The following DGKG variants were observed in gnomAD, a reference collection of about 807,000 sequenced individuals.
The protein encoded by DGKG is diacylglycerol kinase gamma.
In DGKG, 78 loss-of-function variants were observed where a neutral mutation model predicts 105.3. The observed-to-expected ratio is 0.74, with a 90% CI of 0.62 to 0.89. The LOEUF (loss-of-function observed/expected upper bound fraction) is 0.89, where lower values mean the gene tolerates loss of function less well. Among genes scored for constraint, DGKG ranks in the 40% least tolerant of loss-of-function variants. DGKG has a pLI of 0.00. For missense variants in DGKG, 958 were observed against 1,020.1 expected, an observed-to-expected ratio of 0.94 and a Z score of 0.83; for synonymous variants, 346 against 367.1, an observed-to-expected ratio of 0.94 and a Z score of 0.66.
At chr3:186,307,105 G>A (rs1013235103) in intron 2 of DGKG, 128 bp from the exon 3 acceptor site, 5 of 672,422 alleles carry the variant, frequency 7.4e-6, no homozygotes, top group African/African-American at 5.4e-5. Flanking sequence ...CTGGAGAAAT[G>A]TCACCCTCTT....
chr3:186,314,236 T>C (rs1431983473), intron 2 of DGKG, among the ~76,000 whole-genome samples: 1 of 150,616 alleles, frequency 6.6e-6, no homozygotes, highest in African/African-American at 2.4e-5. Flanking sequence ...TTAATGTATG[T>C]TTGAAGGTTG....
intron 24 of DGKG, among the ~76,000 whole-genome samples, chr3:186,156,427 G>C (rs567285933): frequency 1.3e-5 from 2 of 152,134 alleles, no homozygotes; most frequent in East Asian, 3.9e-4. Flanking sequence ...ATGTATACTA[G>C]GGTTTCTCAA....
At chr3:186,219,994 T>C (rs953599512) in intron 20 of DGKG, among the ~76,000 whole-genome samples, 2 of 152,244 alleles carry the variant, frequency 1.3e-5, no homozygotes, top group Non-Finnish European at 2.9e-5. Context: ...CAGGAGCTGC[T>C]GTCAATATGT....
chr3:186,228,067 C>A (rs1719938540), intron 20 of DGKG, among the ~76,000 whole-genome samples: 1 of 152,186 alleles, frequency 6.6e-6, no homozygotes, highest in Admixed American at 6.5e-5. Context: ...ACCTAAGTTG[C>A]CCTCTCCCTG....
intron 1 of DGKG, among the ~76,000 whole-genome samples, chr3:186,353,847 G>A (rs968020892): frequency 6.6e-6 from 1 of 152,222 alleles, no homozygotes; most frequent in Middle Eastern, 3.4e-3. Flanking sequence ...ATCCTCAGGA[G>A]AGCATTGCTA....
intron 1 of DGKG, among the ~76,000 whole-genome samples, chr3:186,354,518 A>G (rs957473368): frequency 6.6e-6 from 1 of 152,202 alleles, no homozygotes; most frequent in Non-Finnish European, 1.5e-5. Context: ...TGGGCAGGCA[A>G]GTCTGGGTTT....
chr3:186,260,466 T>G lies in DGKG; in HGVS notation c.1397A>C (p.Asn466Thr). 1.2e-6 allele frequency: 2 copies of G among 1,613,580 alleles called. No individual in the cohort carries two copies. The highest frequency in any genetic ancestry group is 8.5e-7 in the Non-Finnish European group (1 of 1,179,632). ...HYLLNPKQVF[N>T]LDNGGPTPGL... ...TGGAGTAGGCCCCCCATTGTCCAGGTTGAAAACTTGTTTGGGGTTGAGCAG... is the reference window on the plus strand; with the variant it reads ...TGGAGTAGGCCCCCCATTGTCCAGGGTGAAAACTTGTTTGGGGTTGAGCAG... The change falls in exon 16 of 25, where the codon AAC becomes ACC. Residue 466 changes from asparagine (N) to threonine (T), a missense_variant. This residue lies in a region of DGKG where 643 missense variants were observed against 619.5 expected (regional missense o/e 1.04). Coordinates refer to ENST00000265022, the MANE Select transcript of DGKG (RefSeq NM_001346.3).
intron 23 of DGKG, among the ~76,000 whole-genome samples, chr3:186,162,115 C>G (rs994604069): frequency 6.6e-6 from 1 of 152,204 alleles, no homozygotes; most frequent in African/African-American, 2.4e-5. Flanking sequence ...AAGCTGGTCT[C>G]AAACTCCCGA....
intron 10 of DGKG, among the ~76,000 whole-genome samples, chr3:186,274,900 C>T (rs1722505826): frequency 6.6e-6 from 1 of 152,104 alleles, no homozygotes; most frequent in Non-Finnish European, 1.5e-5. Context: ...TGGGTATATG[C>T]CCAGTAATGG....
chr3:186,245,686 TGGAA>T (rs1433175086), intron 19 of DGKG, among the ~76,000 whole-genome samples: 3 of 152,158 alleles, frequency 2.0e-5, no homozygotes, highest in Non-Finnish European at 4.4e-5. Context: ...GAGGAGATGG[TGGAA>T]GGTATGGACA....
At chr3:186,310,917 C>G (rs1033030240) in intron 2 of DGKG, among the ~76,000 whole-genome samples, 1 of 150,362 alleles carries the variant, frequency 6.7e-6, no homozygotes, top group Non-Finnish European at 1.5e-5. Context: ...GAGAAGAAAC[C>G]GAGGCTTATG....
At chr3:186,272,613 A>G (rs911285199) in intron 10 of DGKG, among the ~76,000 whole-genome samples, 1 of 152,222 alleles carries the variant, frequency 6.6e-6, no homozygotes, top group African/African-American at 2.4e-5. Flanking sequence ...GCACATCCCC[A>G]GAAAGGCGCT....
chr3:186,211,366 G>A (rs1444940682), intron 21 of DGKG, among the ~76,000 whole-genome samples: 1 of 152,212 alleles, frequency 6.6e-6, no homozygotes, highest in Non-Finnish European at 1.5e-5. Context: ...GCTGGGGGAT[G>A]TCTGGCTGCA....
Position 186,288,773 on chromosome 3 carries a change from G to T in DGKG, c.481C>A (p.Leu161Met), listed in dbSNP as rs760320577. Residue 161 changes from leucine to methionine, a missense_variant, in exon 6 of 25, where the codon CTG (leucine) becomes ATG (methionine). Coordinates refer to ENST00000265022, the MANE Select transcript of DGKG (RefSeq NM_001346.3). ...SSSSESPVVY[L>M]KDVVCYLSLL... ...GACAGGTAGCACACAACATCCTTCA[G>T]GTATACCACTGGGGATTCCGAGCTT... The T allele has an allele frequency of 2.5e-6, 4 of 1,614,012 alleles. No individual in the cohort carries two copies. In the South Asian group the frequency reaches 3.3e-5, roughly 13 times the overall value.
In DGKG at chr3:186,223,939, C is replaced by G. The variant is rs547497119; in HGVS notation, c.1827-12054G>C. 4.6e-5 allele frequency among the ~76,000 whole-genome samples: 7 copies of G among 152,282 alleles called. No homozygotes were observed. In the South Asian group the frequency reaches 1.5e-3, roughly 32 times the overall value. On this transcript the variant is annotated intron_variant, in intron 20 of 24. Coordinates refer to ENST00000265022, the MANE Select transcript of DGKG (RefSeq NM_001346.3). ...TAAGGAATACGAATCATTCAGTTTG[C>G]CCCTCTCACTGTGTGGTTGGCAAAC...
intron 3 of DGKG, among the ~76,000 whole-genome samples, chr3:186,306,105 G>A (rs1724223385): frequency 6.6e-6 from 1 of 152,168 alleles, no homozygotes; most frequent in African/African-American, 2.4e-5. Context: ...GAGGCCCTTG[G>A]CTATCTTGAC....
intron 1 of DGKG, among the ~76,000 whole-genome samples, chr3:186,346,829 G>A (rs1013682701): frequency 6.6e-6 from 1 of 151,968 alleles, no homozygotes; most frequent in Admixed American, 6.5e-5. Flanking sequence ...TCCCATATAT[G>A]TCCATTCCAT....
At chr3:186,272,396 G>A in intron 10 of DGKG, 53 bp from the exon 11 acceptor site, 2 of 1,317,616 alleles carry the variant, frequency 1.5e-6, no homozygotes, top group Non-Finnish European at 2.2e-6. Flanking sequence ...CGTAGGAAAG[G>A]CCCAGCTGCC....
At chr3:186,233,158 ACCTTG>A (rs1720236341) in intron 20 of DGKG, among the ~76,000 whole-genome samples, 1 of 152,106 alleles carries the variant, frequency 6.6e-6, no homozygotes, top group South Asian at 2.1e-4. Flanking sequence ...CAGTCAATTG[ACCTTG>A]AGATGGGGAG....
Sources: gnomAD v4.1 joint callset for allele counts (sites outside exome capture counted in the v4.1 genomes callset) on GRCh38, gnomAD v4.1.1 for gene constraint, gnomAD v4.1.1 regional missense constraint, MANE v1.5 for transcripts, NCBI Gene and HGNC (gene_info 2026-07-23, HGNC 2026-07-21) for gene names.